The following HPS5 variants were observed in gnomAD, a reference collection of about 807,000 sequenced individuals.
HPS5 encodes BLOC-2 complex member HPS5.
A neutral mutation model predicts 128.0 loss-of-function variants in HPS5; 83 were observed. The ratio of observed to expected loss-of-function variants is 0.65; its 90% CI spans 0.54 to 0.78. The LOEUF (loss-of-function observed/expected upper bound fraction) is 0.78, where lower values mean the gene tolerates loss of function less well. Ranked by LOEUF, HPS5 falls within the 30% of genes least tolerant of loss-of-function variation. HPS5 has a pLI of 0.00. For synonymous variants in HPS5, 475 were observed against 470.2 expected (o/e 1.01, Z -0.13); for missense variants, 1,281 against 1,326.2 (o/e 0.97, Z 0.53).
chr11:18,278,833 C>A lies in HPS5; in HGVS notation c.*1049G>T, dbSNP rs1858529238. 6.6e-6 allele frequency: 1 copy of A among 152,538 alleles called. No homozygotes were observed. The highest frequency in any genetic ancestry group is 2.4e-5 in the African/African-American group (1 of 41,412). 9.4% of individuals were successfully genotyped at this position (152,538 alleles called of 1,614,324 possible). On this transcript the variant is annotated 3_prime_UTR_variant, in exon 23 of 23. Transcript: ENST00000349215. ...AAATGTACAGGAGCCTGACAAATGA[C>A]AATCTACTTACATAATTTAAATAAC... is the stretch of plus-strand genomic sequence containing the variant.
rs747718129 is a variant in HPS5 at position 18,291,880 on chromosome 11, T to G, written c.2002A>C (p.Lys668Gln). ...GVSDTDNSSMKLNQDVLLVNE... is the reference protein window; with the variant it reads ...GVSDTDNSSMQLNQDVLLVNE... ...ACTAATAGCACATCCTGGTTCAATTTCATGGATGAGTTGTCAGTATCTGAA... is the reference window on the plus strand; with the variant it reads ...ACTAATAGCACATCCTGGTTCAATTGCATGGATGAGTTGTCAGTATCTGAA... The change falls in exon 16 of 23, where the codon AAA (lysine) becomes CAA (glutamine). Residue 668 changes from lysine to glutamine, a missense_variant. Coordinates refer to ENST00000349215, the MANE Select transcript of HPS5 (RefSeq NM_181507.2). 7 of 1,607,174 alleles carry G rather than the reference T, an allele frequency of 4.4e-6. No homozygotes were observed. The highest frequency in any genetic ancestry group is 5.9e-6 in the Non-Finnish European group (7 of 1,176,580).
chr11:18,295,843 C>T (rs1860999875), intron 13 of HPS5, among the ~76,000 whole-genome samples, 156 bp downstream of exon 13: 1 of 152,102 alleles, frequency 6.6e-6, no homozygotes, highest in Non-Finnish European at 1.5e-5. Context: ...TAGACTCTCC[C>T]CAAGGTAAAT....
intron 2 of HPS5, chr11:18,314,401 C>T (rs1477690583): frequency 6.6e-6 from 1 of 152,344 alleles, no homozygotes; most frequent in Non-Finnish European, 1.5e-5. Context: ...TGATGGTACA[C>T]ACCTGTAATC....
chr11:18,296,726 T>C (rs776361045), intron 12 of HPS5, 72 bp downstream of exon 12: 3 of 1,345,306 alleles, frequency 2.2e-6, no homozygotes, highest in Middle Eastern at 1.8e-4. Context: ...GTGCACAAGA[T>C]AATCCTGGTA....
In HPS5 at chr11:18,317,889, T is replaced by C. The variant is rs373836776; in HGVS notation, c.-31A>G. ...CAGAAAGCTGAAACTTGTTGAATGA[T>C]AGATACAGTATTCCTCACCTGAATA... On this transcript the variant is annotated 5_prime_UTR_variant, in exon 2 of 23. Coordinates refer to ENST00000349215, the MANE Select transcript of HPS5 (RefSeq NM_181507.2). The C allele has an allele frequency of 2.6e-5, 41 of 1,604,386 alleles. No homozygotes were observed. Among genetic ancestry groups the C allele is most frequent in the Middle Eastern group, 1.7e-4 (1 of 6,050 alleles).
chr11:18,279,954 A>C lies in HPS5; in HGVS notation c.3330-12T>G. ...TTTGTATCAAGGCCCTGAAATCCCAAAGAAAAGAAACAAGCAAATTTAGTT... is the reference window on the plus strand; with the variant it reads ...TTTGTATCAAGGCCCTGAAATCCCACAGAAAAGAAACAAGCAAATTTAGTT... On this transcript the variant is annotated splice_polypyrimidine_tract_variant and intron_variant, in intron 22 of 22. Transcript: ENST00000349215. 6.2e-7 allele frequency: 1 copy of C among 1,613,882 alleles called. No homozygotes were observed. The highest frequency in any genetic ancestry group is 1.1e-5 in the South Asian group (1 of 91,080).
chr11:18,293,739 T>C (rs557760253), intron 14 of HPS5, among the ~76,000 whole-genome samples: 2 of 152,268 alleles, frequency 1.3e-5, no homozygotes, highest in African/African-American at 4.8e-5. Context: ...GAGGTATTAT[T>C]TGTCTCACAA....
chr11:18,300,948 G>C (rs147107516), intron 8 of HPS5, 32 bp from the exon 9 acceptor site: 1 of 1,277,266 alleles, frequency 7.8e-7, no homozygotes, highest in African/African-American at 1.5e-5. Flanking sequence ...GAATTCAAGT[G>C]TGCTAGGATA....
chr11:18,283,329 A>T (rs778700810), intron 21 of HPS5, among the ~76,000 whole-genome samples: 24 of 94,890 alleles, frequency 2.5e-4, no homozygotes, highest in Admixed American at 3.9e-4. Context: ...ATGGGAAATT[A>T]AAAAAAAAAA....
At chr11:18,307,329 T>C (rs1272607381) in intron 6 of HPS5, among the ~76,000 whole-genome samples, 1 of 152,248 alleles carries the variant, frequency 6.6e-6, no homozygotes, top group Non-Finnish European at 1.5e-5. Flanking sequence ...CTGTACTTAA[T>C]TGCTTTATGA....
rs779284876 is a variant in HPS5 at position 18,291,620 on chromosome 11, G to C, written c.2262C>G (p.Ile754Met). The C allele has an allele frequency of 1.1e-5, 18 of 1,614,196 alleles. No individual in the cohort carries two copies. Among genetic ancestry groups the C allele is most frequent in the Non-Finnish European group, 1.4e-5 (16 of 1,180,028 alleles). ...CLELNVLNSK[I>M]KSTSGHVDHT... ...GGTCCACATGTCCACTGGTGCTTTT[G>C]ATCTTAGAATTCAATACATTCAACT... The change falls in exon 16 of 23, where the codon ATC (isoleucine) becomes ATG (methionine). Residue 754 changes from isoleucine (I) to methionine (M), a missense_variant. Coordinates refer to ENST00000349215, the MANE Select transcript of HPS5 (RefSeq NM_181507.2).
intron 8 of HPS5, among the ~76,000 whole-genome samples, chr11:18,302,193 G>A (rs906759672): frequency 6.6e-6 from 1 of 151,876 alleles, no homozygotes; most frequent in African/African-American, 2.4e-5. Flanking sequence ...TGGTCTGGAG[G>A]ACTCATTTTT....
chr11:18,295,933 A>G, intron 13 of HPS5, 66 bp downstream of exon 13: 2 of 1,506,946 alleles, frequency 1.3e-6, no homozygotes, highest in South Asian at 2.3e-5. Flanking sequence ...CTCAGCACAA[A>G]TTACCTAATG....
intron 12 of HPS5, chr11:18,296,428 A>G (rs374381754): frequency 3.7e-6 from 2 of 542,474 alleles, no homozygotes; most frequent in African/African-American, 1.9e-5. Context: ...TCGCACATCG[A>G]AAAAGGAAGG....
At chr11:18,287,807 T>C (rs1859921229) in intron 17 of HPS5, 86 bp downstream of exon 17, 1 of 1,593,972 alleles carries the variant, frequency 6.3e-7, no homozygotes, top group East Asian at 2.2e-5. Context: ...CTGCCTCATA[T>C]GCAAATGAGT....
intron 5 of HPS5, among the ~76,000 whole-genome samples, chr11:18,309,729 A>C (rs1439679282): frequency 6.6e-6 from 1 of 152,190 alleles, no homozygotes; most frequent in Non-Finnish European, 1.5e-5. Context: ...AGCCAGGCGC[A>C]GTGGCTCATG....
Position 18,286,368 on chromosome 11 carries a change from A to G in HPS5, c.2837+223T>C, listed in dbSNP as rs570772354. Among the ~76,000 whole-genome samples, 11 of 152,174 alleles carry G rather than the reference A, an allele frequency of 7.2e-5. No individual in the cohort carries two copies. The East Asian group carries it at 1.9e-3, about 27-fold the overall frequency. ...GAGACCAGCCTGGGCCATAAGGCGA[A>G]ATCTCATCTGTACAAAAAATTAGCC... On this transcript the variant is annotated intron_variant, in intron 19 of 22. Coordinates refer to ENST00000349215, the MANE Select transcript of HPS5 (RefSeq NM_181507.2).
At position 18,292,179 on chromosome 11, in the gene HPS5, A is replaced by C. The variant is rs552223345; in HGVS notation, c.1863-160T>G. 2.6e-5 allele frequency among the ~76,000 whole-genome samples: 4 copies of C among 152,246 alleles called. No individual in the cohort carries two copies. In the East Asian group the frequency reaches 7.7e-4, roughly 29 times the overall value. ...AAAAACTATCTCAACAAGATGACAAAACAGAGAACATAAACTTTGTAGTGT... is the reference window on the plus strand; with the variant it reads ...AAAAACTATCTCAACAAGATGACAACACAGAGAACATAAACTTTGTAGTGT... On this transcript the variant is annotated intron_variant, in intron 15 of 22. Coordinates refer to ENST00000349215, the MANE Select transcript of HPS5 (RefSeq NM_181507.2).
intron 8 of HPS5, among the ~76,000 whole-genome samples, chr11:18,302,617 A>G (rs1861827838): frequency 6.6e-6 from 1 of 152,198 alleles, no homozygotes; most frequent in African/African-American, 2.4e-5. Context: ...GAGTACTAAA[A>G]ATGGTTCCAT....
Sources: gnomAD v4.1 joint callset for allele counts (sites outside exome capture counted in the v4.1 genomes callset) on GRCh38, gnomAD v4.1.1 for gene constraint, MANE v1.5 for transcripts, NCBI Gene and HGNC (gene_info 2026-07-23, HGNC 2026-07-21) for gene names.